Variants in KCNJ6 observed in about 807,000 individuals in gnomAD.
KCNJ6 encodes the protein G protein-activated inward rectifier potassium channel 2.
A neutral mutation model predicts 34.2 loss-of-function variants in KCNJ6; 9 were observed. The ratio of observed to expected loss-of-function variants is 0.26; its 90% CI spans 0.16 to 0.46. The LOEUF (loss-of-function observed/expected upper bound fraction) is 0.46, where lower values mean the gene tolerates loss of function less well. Ranked by LOEUF, KCNJ6 falls within the 20% of genes least tolerant of loss-of-function variation. The probability of loss-of-function intolerance (pLI) is 1.00; values close to 1 mark genes in which losing one functional copy is unlikely to be tolerated. For missense variants in KCNJ6, 236 were observed against 531.3 expected (o/e 0.44, Z 5.46); for synonymous variants, 196 against 207.1 (o/e 0.95, Z 0.46).
intron 1 of KCNJ6, among the ~76,000 whole-genome samples, chr21:37,879,588 C>T (rs917746603): frequency 6.6e-6 from 1 of 151,978 alleles, no homozygotes; most frequent in Non-Finnish European, 1.5e-5. Context: ...GGCCTATTTG[C>T]CCAAAATAAC....
intron 2 of KCNJ6, among the ~76,000 whole-genome samples, chr21:37,799,921 C>T (rs955605019): frequency 1.3e-5 from 2 of 152,050 alleles, no homozygotes; most frequent in Non-Finnish European, 2.9e-5. Context: ...TGAATTTCTT[C>T]AAAAATTCCT....
At chr21:37,719,895 T>G (rs890611818) in intron 2 of KCNJ6, among the ~76,000 whole-genome samples, 1 of 152,206 alleles carries the variant, frequency 6.6e-6, no homozygotes, top group Non-Finnish European at 1.5e-5. Flanking sequence ...TGGTCTGTAG[T>G]AGATGTTTCT....
Position 37,614,827 on chromosome 21 carries a change from T to C in KCNJ6, c.*10332A>G, listed in dbSNP as rs565394373. 45 of 152,266 alleles carry C rather than the reference T, an allele frequency of 3.0e-4. No homozygotes were observed. The highest frequency in any genetic ancestry group is 1.1e-3 in the African/African-American group (45 of 41,500). 9.4% of individuals were successfully genotyped at this position (152,266 alleles called of 1,614,324 possible). On this transcript the variant is annotated 3_prime_UTR_variant, in exon 4 of 4. Coordinates refer to ENST00000609713, the MANE Select transcript of KCNJ6 (RefSeq NM_002240.5). ...GTGTGTGTATTTGTGTGTATGTGTG[T>C]GTGTTATGTAGGGAGAGGGTGCTTA...
rs1013671981 is a variant in KCNJ6 at position 37,916,078 on chromosome 21, G to A, written c.-222C>T. ...TGTTAGGAGACTCCATTCTGCTCGC[G>A]GCTGCTCCGGCTCCAGGTCCGGCTT... On this transcript the variant is annotated 5_prime_UTR_variant, in exon 1 of 4. Coordinates refer to ENST00000609713, the MANE Select transcript of KCNJ6 (RefSeq NM_002240.5). The A allele has an allele frequency of 6.6e-6, 1 of 152,182 alleles. No individual in the cohort carries two copies. Among genetic ancestry groups the A allele is most frequent in the African/African-American group, 2.4e-5 (1 of 41,410 alleles). The allele number at this position is 152,182 out of a possible 1,614,324, so 9.4% of individuals were successfully genotyped here.
chr21:37,850,287 G>C (rs1486066782), intron 1 of KCNJ6, among the ~76,000 whole-genome samples: 2 of 152,050 alleles, frequency 1.3e-5, no homozygotes, highest in Non-Finnish European at 2.9e-5. Context: ...ACATATAAGG[G>C]ATACTTAGAA....
At chr21:37,893,834 C>T (rs2055774770) in intron 1 of KCNJ6, among the ~76,000 whole-genome samples, 1 of 152,164 alleles carries the variant, frequency 6.6e-6, no homozygotes, top group African/African-American at 2.4e-5. Flanking sequence ...TAAATAACCA[C>T]TTTCAAGTTG....
intron 2 of KCNJ6, among the ~76,000 whole-genome samples, chr21:37,750,490 C>T (rs2054989758): frequency 6.6e-6 from 1 of 152,174 alleles, no homozygotes; most frequent in Non-Finnish European, 1.5e-5. Context: ...AAACGCCCAT[C>T]AATGATAGAC....
At chr21:37,855,836 A>T (rs2055562263) in intron 1 of KCNJ6, among the ~76,000 whole-genome samples, 1 of 152,210 alleles carries the variant, frequency 6.6e-6, no homozygotes, top group South Asian at 2.1e-4. Flanking sequence ...CTAATTTTTT[A>T]AAATATCTAT....
intron 3 of KCNJ6, among the ~76,000 whole-genome samples, chr21:37,637,359 T>C (rs2123373598): frequency 6.6e-6 from 1 of 152,326 alleles, no homozygotes; most frequent in Middle Eastern, 3.4e-3. Context: ...CCAGTGAGGG[T>C]CACCTCCAGT....
chr21:37,607,482 A>ATATATATATATATATAT lies in KCNJ6; in HGVS notation c.*17676_*17677insATATATATATATATATA. ...CTTAAAGATATATATATATATATAT[A>ATATATATATATATATAT]TTTTTTTTTTATTTTAAAAAAATTT... On this transcript the variant is annotated 3_prime_UTR_variant, in exon 4 of 4. Transcript: ENST00000609713. 5.3e-3 allele frequency: 718 copies of ATATATATATATATATAT among 136,666 alleles called. 5 individuals are homozygous for ATATATATATATATATAT. Among genetic ancestry groups the ATATATATATATATATAT allele is most frequent in the African/African-American group, 0.016 (596 of 36,398 alleles). 8.5% of individuals were successfully genotyped at this position (136,666 alleles called of 1,614,324 possible). A position where few individuals can be genotyped will look rare whatever the true frequency, so the allele number is the denominator to read the frequency against.
At chr21:37,703,888 A>G (rs750025897) in intron 3 of KCNJ6, among the ~76,000 whole-genome samples, 9 of 152,256 alleles carry the variant, frequency 5.9e-5, no homozygotes, top group Non-Finnish European at 1.2e-4. Context: ...TGAGAAATCC[A>G]GCCACAGGTG....
chr21:37,658,342 AC>A (rs1259582942), intron 3 of KCNJ6, among the ~76,000 whole-genome samples: 1 of 152,222 alleles, frequency 6.6e-6, no homozygotes, highest in Non-Finnish European at 1.5e-5. Flanking sequence ...GGAAATGCCT[AC>A]CCACGTGGGG....
At chr21:37,790,574 G>T (rs995456138) in intron 2 of KCNJ6, among the ~76,000 whole-genome samples, 1 of 152,144 alleles carries the variant, frequency 6.6e-6, no homozygotes, top group Non-Finnish European at 1.5e-5. Context: ...AGGCCTCAGT[G>T]GGGGCAGAGT....
chr21:37,694,175 G>T (rs1049851079), intron 3 of KCNJ6, among the ~76,000 whole-genome samples: 1 of 152,206 alleles, frequency 6.6e-6, no homozygotes, highest in African/African-American at 2.4e-5. Context: ...TCAGATACCT[G>T]TGGGCCCTGA....
chr21:37,787,680 A>G (rs369291412), intron 2 of KCNJ6, among the ~76,000 whole-genome samples: 1 of 152,196 alleles, frequency 6.6e-6, no homozygotes, highest in East Asian at 1.9e-4. Context: ...AAAAACAGAC[A>G]AGGTGCTGAC....
Position 37,664,792 on chromosome 21 carries a change from C to CT in KCNJ6, c.947-39309dup, listed in dbSNP as rs10594512. Among the ~76,000 whole-genome samples the CT allele has an allele frequency of 9.1e-3, 914 of 100,960 alleles. 13 individuals are homozygous for CT. The highest frequency in any genetic ancestry group is 0.013 in the Non-Finnish European group (659 of 52,134). 66.2% of individuals were successfully genotyped at this position (100,960 alleles called of 152,430 possible). A position where few individuals can be genotyped will look rare whatever the true frequency, so the allele number is the denominator to read the frequency against. The stretch of plus-strand genomic sequence containing the variant: ...GAGATTGGAAAAAGAAAGAATATTC[C>CT]TTTTTTTTTTTTTTTTTTTTTTGAG... On this transcript the variant is annotated intron_variant, in intron 3 of 3. Transcript: ENST00000609713.
At chr21:37,890,546 C>T (rs1316743031) in intron 1 of KCNJ6, among the ~76,000 whole-genome samples, 2 of 152,202 alleles carry the variant, frequency 1.3e-5, no homozygotes, top group African/African-American at 4.8e-5. Context: ...CCCTGGAAGA[C>T]ACTCCTGCAA....
At chr21:37,763,093 C>A (rs1372970724) in intron 2 of KCNJ6, among the ~76,000 whole-genome samples, 1 of 152,078 alleles carries the variant, frequency 6.6e-6, no homozygotes, top group African/African-American at 2.4e-5. Flanking sequence ...CTGATTTGGG[C>A]ATCTGATGAT....
rs879773437 is a variant in KCNJ6, at chr21:37,614,501, C to CGTGTGTGTGTGT, written c.*10657_*10658insACACACACACAC. On this transcript the variant is annotated 3_prime_UTR_variant, in exon 4 of 4. Transcript: ENST00000609713. ...ATGCATGTGTCTGTGTGCGTGTATG[C>CGTGTGTGTGTGT]ATGTGTCTCTGTATGCATGTGTGTA... The CGTGTGTGTGTGT allele has an allele frequency of 3.4e-5, 3 of 88,482 alleles. No individual in the cohort carries two copies. Among genetic ancestry groups the CGTGTGTGTGTGT allele is most frequent in the Non-Finnish European group, 7.3e-5 (3 of 41,248 alleles). The allele number at this position is 88,482 out of a possible 1,614,324, so 5.5% of individuals were successfully genotyped here.
Sources: allele counts gnomAD v4.1 joint callset (sites outside exome capture counted in the v4.1 genomes callset), GRCh38; gene constraint gnomAD v4.1.1; transcripts MANE v1.5; gene names NCBI Gene and HGNC (gene_info 2026-07-23, HGNC 2026-07-21).